The following ZNF14 variants were observed in gnomAD, a reference collection of about 807,000 sequenced individuals.
ZNF14 encodes the protein gonadotropin inducible transcription repressor-4.
A neutral mutation model predicts 11.3 loss-of-function variants in ZNF14; 9 were observed. The observed-to-expected ratio is 0.80, with a 90% CI of 0.48 to 1.39. The LOEUF (loss-of-function observed/expected upper bound fraction) is 1.39, where lower values mean the gene tolerates loss of function less well. ZNF14 is among the 40% of genes most tolerant of loss of function. The pLI is 0.00. For missense variants in ZNF14, 711 were observed against 763.9 expected, an observed-to-expected ratio of 0.93 and a Z score of 0.82; for synonymous variants, 239 against 245.7, an observed-to-expected ratio of 0.97 and a Z score of 0.25.
chr19:19,731,956 T>C (rs932005513), intron 1 of ZNF14, among the ~76,000 whole-genome samples: 1 of 152,060 alleles, frequency 6.6e-6, no homozygotes, highest in Non-Finnish European at 1.5e-5. Context: ...TAGTCCCAGC[T>C]ACTGGGAAGG....
In ZNF14 at chr19:19,712,575, G is replaced by A; in HGVS notation, c.706C>T (p.Gln236Ter). Reference protein sequence around the residue: ...KQCGKAFICYQSFQRHKRTHT... With the variant: ...KQCGKAFICY The stretch of plus-strand genomic sequence containing the variant: ...GTCCTTTTGTGTCTTTGAAAAGATT[G>A]GTAACATATAAAGGCTTTCCCACAC... The change falls in exon 4 of 4, where the codon CAA becomes TAA. Residue 236 changes from glutamine to a stop codon, truncating the protein, a stop_gained. Coordinates refer to ENST00000344099, the MANE Select transcript of ZNF14 (RefSeq NM_021030.3). LOFTEE classifies it low-confidence loss of function (END_TRUNC). 2 of 1,612,526 alleles carry A rather than the reference G, an allele frequency of 1.2e-6. No homozygotes were observed. The highest frequency in any genetic ancestry group is 1.7e-6 in the Non-Finnish European group (2 of 1,179,588).
chr19:19,730,333 T>G (rs555964650), intron 1 of ZNF14, among the ~76,000 whole-genome samples: 1 of 152,140 alleles, frequency 6.6e-6, no homozygotes, highest in African/African-American at 2.4e-5. Context: ...AGCCCGCAGT[T>G]TTATTTAAGG....
intron 1 of ZNF14, among the ~76,000 whole-genome samples, chr19:19,730,676 G>A (rs1457316462): frequency 6.6e-6 from 1 of 152,174 alleles, no homozygotes; most frequent in Non-Finnish European, 1.5e-5. Context: ...ACTTTGGGAA[G>A]CTGAGGCGGG....
intron 1 of ZNF14, among the ~76,000 whole-genome samples, chr19:19,729,000 G>A (rs968306460): frequency 6.6e-5 from 10 of 152,218 alleles, no homozygotes; most frequent in East Asian, 1.9e-4. Flanking sequence ...CCGACAAGAC[G>A]GAGTCTTGCT....
rs913099305 is a variant in ZNF14, at chr19:19,715,059, A to G, written c.4-572T>C. ...ATCATGTGAAACCTTATTGTTCTCT[A>G]AAGGTGGACTCAAGCTCACACTGGA... On this transcript the variant is annotated intron_variant, in intron 1 of 3. Transcript: ENST00000344099. Among the ~76,000 whole-genome samples, 13 of 152,156 alleles carry G rather than the reference A, an allele frequency of 8.5e-5. 1 individual carries two copies. The highest frequency in any genetic ancestry group is 6.6e-4 in the Admixed American group (10 of 15,254).
At chr19:19,713,203 G>A in intron 3 of ZNF14, 114 bp from the exon 4 acceptor site, 1 of 961,374 alleles carries the variant, frequency 1.0e-6, no homozygotes, top group South Asian at 1.8e-5. Context: ...TATCTGCCCT[G>A]TCTGAATTGT....
At chr19:19,714,029 T>C (rs1398998339) in intron 3 of ZNF14, 62 bp downstream of exon 3, 1 of 1,473,984 alleles carries the variant, frequency 6.8e-7, no homozygotes, top group Non-Finnish European at 9.4e-7. Flanking sequence ...TGCTTAATTG[T>C]TTTGCTTGCT....
rs755237806 is a variant in ZNF14, at chr19:19,713,037, C to T, written c.244G>A (p.Glu82Lys). Residue 82 changes from glutamate to lysine, a missense_variant, in exon 4 of 4, where the codon GAA (glutamate) becomes AAA (lysine). Transcript: ENST00000344099. ...ACATTTGGCATCTGGCTAGTGGTTT[C>T]TCCACATTTGCTACCTCTTCTACTT... ...CESRRGSKCG[E>K]TTSQMPNVNI... The T allele has an allele frequency of 2.5e-6, 4 of 1,612,440 alleles. No individual in the cohort carries two copies. The highest frequency in any genetic ancestry group is 3.4e-6 in the Non-Finnish European group (4 of 1,179,214).
rs112699164 is a variant in ZNF14 at position 19,718,328 on chromosome 19, C to T, written c.4-3841G>A. 2.2e-3 allele frequency among the ~76,000 whole-genome samples: 337 copies of T among 152,094 alleles called. 1 individual carries two copies. The highest frequency in any genetic ancestry group is 6.8e-3 in the Middle Eastern group (2 of 294). On this transcript the variant is annotated intron_variant, in intron 1 of 3. Transcript: ENST00000344099. ...ATTCTAACAAAGAATCAAAAGGTAA[C>T]GAAGGACATAAAATACACTGCAACA...
At chr19:19,716,983 C>T (rs1408589313) in intron 1 of ZNF14, among the ~76,000 whole-genome samples, 1 of 152,162 alleles carries the variant, frequency 6.6e-6, no homozygotes, top group Admixed American at 6.6e-5. Flanking sequence ...CTTCCCAACA[C>T]CAATACAAGG....
chr19:19,713,763 T>TTTC (rs1555761279), intron 3 of ZNF14, among the ~76,000 whole-genome samples: 24 of 148,806 alleles, frequency 1.6e-4, no homozygotes, highest in Non-Finnish European at 2.5e-4. Flanking sequence ...TTTTTTTTTT[T>TTTC]CCCCAGATGA....
rs1201822284 is a variant in ZNF14 at position 19,714,125 on chromosome 19, C to T, written c.157G>A (p.Glu53Lys). The change falls in exon 3 of 4, where the codon GAA becomes AAA. Residue 53 changes from glutamate (E) to lysine (K), a missense_variant. Transcript: ENST00000344099. ...TTCCCCTGGTTTCTGTGGTCATCTT[C>T]AATGTCCTGGTCTTCCCACTTTTTT... The part of the protein sequence containing the change: ...LGKKWEDQDI[E>K]DDHRNQGKNR... 5.6e-6 allele frequency: 9 copies of T among 1,613,474 alleles called. No individual in the cohort carries two copies. Among genetic ancestry groups the T allele is most frequent in the South Asian group, 1.1e-5 (1 of 90,864 alleles).
At chr19:19,729,670 G>C (rs1394796100) in intron 1 of ZNF14, among the ~76,000 whole-genome samples, 1 of 152,080 alleles carries the variant, frequency 6.6e-6, no homozygotes, top group Non-Finnish European at 1.5e-5. Context: ...TATGTAGACA[G>C]AGTTGTCCTA....
At chr19:19,714,032 T>C in intron 3 of ZNF14, 59 bp downstream of exon 3, 4 of 1,489,902 alleles carry the variant, frequency 2.7e-6, no homozygotes, top group Non-Finnish European at 2.8e-6. Flanking sequence ...TTAATTGTTT[T>C]GCTTGCTTTC....
chr19:19,719,757 T>C (rs1229486128), intron 1 of ZNF14, among the ~76,000 whole-genome samples: 1 of 152,104 alleles, frequency 6.6e-6, no homozygotes, highest in Non-Finnish European at 1.5e-5. Context: ...ATCAATAACA[T>C]GTTAAACATC....
rs1344411243 is a variant in ZNF14, at chr19:19,725,175, A to C, written c.3+7781T>G. Among the ~76,000 whole-genome samples, 2 of 133,636 alleles carry C rather than the reference A, an allele frequency of 1.5e-5. 1 individual carries two copies. Among genetic ancestry groups the C allele is most frequent in the East Asian group, 4.2e-4 (2 of 4,752 alleles). 87.7% of individuals were successfully genotyped at this position (133,636 alleles called of 152,430 possible). A position where few individuals can be genotyped will look rare whatever the true frequency, so the allele number is the denominator to read the frequency against. On this transcript the variant is annotated intron_variant, in intron 1 of 3. Transcript: ENST00000344099. Reference sequence around the variant, plus strand: ...GTTGATGCAGTTTCTTCCTAGCATCAACGGTCTTTACAATTTGGCATGTTT... The same window carrying C: ...GTTGATGCAGTTTCTTCCTAGCATCCACGGTCTTTACAATTTGGCATGTTT...
At position 19,714,408 on chromosome 19, in the gene ZNF14, A is replaced by G; in HGVS notation, c.83T>C (p.Leu28Pro). Residue 28 changes from leucine to proline, a missense_variant, in exon 2 of 4, where the codon CTC (leucine) becomes CCC (proline). Coordinates refer to ENST00000344099, the MANE Select transcript of ZNF14 (RefSeq NM_021030.3). Reference protein sequence around the residue: ...WALLDSSQKKLYEDVMQETFK... With the variant: ...WALLDSSQKKPYEDVMQETFK... ...GGTCTCCTGCATCACATCTTCATAG[A>G]GCTTTTTCTGTGAAGAATCCAGCAA... The G allele has an allele frequency of 6.2e-7, 1 of 1,614,088 alleles. No individual in the cohort carries two copies. Among genetic ancestry groups the G allele is most frequent in the Non-Finnish European group, 8.5e-7 (1 of 1,180,000 alleles).
intron 1 of ZNF14, among the ~76,000 whole-genome samples, chr19:19,731,164 A>T (rs2062422077): frequency 6.6e-6 from 1 of 152,222 alleles, no homozygotes; most frequent in South Asian, 2.1e-4. Flanking sequence ...TTATTTATTG[A>T]TTATTTTATA....
rs752231049 is a variant in ZNF14, at chr19:19,712,356, A to G, written c.925T>C (p.Cys309Arg). 70 of 1,613,348 alleles carry G rather than the reference A, an allele frequency of 4.3e-5. No individual in the cohort carries two copies. Among genetic ancestry groups the G allele is most frequent in the Non-Finnish European group, 5.8e-5 (69 of 1,179,898 alleles). Residue 309 changes from cysteine (C) to arginine (R), a missense_variant, in exon 4 of 4, where the codon TGT becomes CGT. Coordinates refer to ENST00000344099, the MANE Select transcript of ZNF14 (RefSeq NM_021030.3). ...RTHSGEKPYE[C>R]KECGKAFFYS... Reference sequence around the variant, plus strand: ...AAGAAGGCTTTTCCACATTCTTTACATTCATAGGGTTTCTCTCCACTATGA... The same window carrying G: ...AAGAAGGCTTTTCCACATTCTTTACGTTCATAGGGTTTCTCTCCACTATGA...
Sources: allele counts gnomAD v4.1 joint callset (sites outside exome capture counted in the v4.1 genomes callset), GRCh38; gene constraint gnomAD v4.1.1; transcripts MANE v1.5; gene names NCBI Gene and HGNC (gene_info 2026-07-23, HGNC 2026-07-21).